Variants in SSUH2 observed in about 807,000 individuals in gnomAD.
SSUH2 encodes protein SSUH2 homolog.
Under a neutral mutation model 55.3 loss-of-function variants are expected in SSUH2, and 47 were observed. That is an observed-to-expected ratio of 0.85 (90% confidence interval 0.67 to 1.08). The LOEUF (loss-of-function observed/expected upper bound fraction) is 1.08. SSUH2 is among the 50% of genes least tolerant of loss of function. The pLI, the probability that SSUH2 is intolerant of heterozygous loss-of-function variation, is 0.00. For synonymous variants in SSUH2, 212 were observed against 191.5 expected, an observed-to-expected ratio of 1.11 and a Z score of -0.89; for missense variants, 535 against 490.7, an observed-to-expected ratio of 1.09 and a Z score of -0.85.
At chr3:8,635,104 C>A (rs1190991461) in intron 3 of SSUH2, among the ~76,000 whole-genome samples, 196 bp downstream of exon 3, 1 of 152,224 alleles carries the variant, frequency 6.6e-6, no homozygotes. Context: ...TCAACGCTGG[C>A]TTTGTTGCCA....
rs1427086956 is a variant in SSUH2, at chr3:8,620,017, G to A, written c.982-3C>T. On this transcript the variant is annotated splice_polypyrimidine_tract_variant and splice_region_variant and intron_variant, in intron 11 of 11. Coordinates refer to ENST00000544814, the MANE Select transcript of SSUH2 (RefSeq NM_001256748.3). ...GGGATCAGCTCAATGGTCTGGCGCT[G>A]AGGAAACAAATAGCCAAGGAAAATG... is the stretch of plus-strand genomic sequence containing the variant. 6.2e-7 allele frequency: 1 copy of A among 1,613,660 alleles called. No homozygotes were observed. The highest frequency in any genetic ancestry group is 8.5e-7 in the Non-Finnish European group (1 of 1,179,780).
At chr3:8,641,778 CAAG>C (rs922624800) in intron 1 of SSUH2, among the ~76,000 whole-genome samples, 10 of 152,370 alleles carry the variant, frequency 6.6e-5, no homozygotes, top group African/African-American at 2.4e-4. Context: ...TGGCCCTTGC[CAAG>C]AAGTCCAGCA....
At chr3:8,647,475 C>T (rs536129345), upstream of SSUH2, among the ~76,000 whole-genome samples, 1 of 152,340 alleles carries the variant, frequency 6.6e-6, no homozygotes, top group South Asian at 2.1e-4. Flanking sequence ...AGACTGAGTT[C>T]AAAGTCCTAA....
intron 7 of SSUH2, among the ~76,000 whole-genome samples, chr3:8,656,403 G>A (rs1472111323): frequency 6.6e-6 from 1 of 152,192 alleles, no homozygotes; most frequent in African/African-American, 2.4e-5. Context: ...CCTCTGCCCT[G>A]TTTTGTGTTC....
At chr3:8,621,568 T>G (rs1168067160) in intron 11 of SSUH2, among the ~76,000 whole-genome samples, 1 of 152,064 alleles carries the variant, frequency 6.6e-6, no homozygotes, top group Non-Finnish European at 1.5e-5. Context: ...GGCACAAAAT[T>G]TCCACACAGC....
chr3:8,669,440 C>T (rs1290001594), intron 5 of SSUH2, among the ~76,000 whole-genome samples: 1 of 152,144 alleles, frequency 6.6e-6, no homozygotes, highest in East Asian at 1.9e-4. Flanking sequence ...CAGAGCAGTA[C>T]AGCAATAATT....
rs1559570094 is a variant in SSUH2, at chr3:8,679,128, G to GCA, written c.-901+576_-901+577insTG. On this transcript the variant is annotated intron_variant, in intron 2 of 18. Transcript: ENST00000317371. Reference sequence around the variant, plus strand: ...CCCTGGCTCTTAGGACCCAAATTGCGGGGGGGAGGCACCCCCGCGAGGCGG... The same window carrying GCA: ...CCCTGGCTCTTAGGACCCAAATTGCGCAGGGGGGAGGCACCCCCGCGAGGCGG... Among the ~76,000 whole-genome samples the GCA allele has an allele frequency of 1.8e-4, 18 of 98,748 alleles. 1 individual carries two copies. The highest frequency in any genetic ancestry group is 1.6e-3 in the East Asian group (6 of 3,842). 64.8% of individuals were successfully genotyped at this position (98,748 alleles called of 152,430 possible).
At chr3:8,669,694 C>T (rs1704332876) in intron 5 of SSUH2, among the ~76,000 whole-genome samples, 1 of 152,182 alleles carries the variant, frequency 6.6e-6, no homozygotes, top group African/African-American at 2.4e-5. Context: ...GAGAAGAGCA[C>T]ATCACCACCA....
In SSUH2 at chr3:8,633,785, T is replaced by C; in HGVS notation, c.220A>G (p.Met74Val). The C allele has an allele frequency of 1.2e-6, 2 of 1,613,246 alleles. No individual in the cohort carries two copies. Among genetic ancestry groups the C allele is most frequent in the South Asian group, 2.2e-5 (2 of 91,058 alleles). ...GCTTCCCGGGCCACCTCCTCCGTCA[T>C]CGCAGGGACTCTGCAGGGGACCGAA... ...PSFLEHRVPA[M>V]TEEVAREALL... The change falls in exon 4 of 12, where the codon ATG becomes GTG. Residue 74 changes from methionine to valine, a missense_variant. Transcript: ENST00000544814.
chr3:8,623,711 G>T, intron 10 of SSUH2, 55 bp from the exon 11 acceptor site: 1 of 937,128 alleles, frequency 1.1e-6, no homozygotes, highest in Non-Finnish European at 1.6e-6. Context: ...TGGAGCCTTG[G>T]AAGTCACTGG....
At chr3:8,643,018 C>T (rs1177511354) in intron 1 of SSUH2, among the ~76,000 whole-genome samples, 1 of 152,208 alleles carries the variant, frequency 6.6e-6, no homozygotes, top group African/African-American at 2.4e-5. Context: ...GGCCCAAAGA[C>T]TTCACTTTTC....
chr3:8,662,529 G>C (rs1272630821), intron 6 of SSUH2, among the ~76,000 whole-genome samples: 13 of 152,182 alleles, frequency 8.5e-5, no homozygotes, highest in African/African-American at 3.1e-4. Flanking sequence ...GTGAAGTACT[G>C]AGGCAAGTAT....
At chr3:8,662,329 T>C (rs1188891416) in intron 6 of SSUH2, among the ~76,000 whole-genome samples, 1 of 152,152 alleles carries the variant, frequency 6.6e-6, no homozygotes, top group Non-Finnish European at 1.5e-5. Flanking sequence ...CACCTTTGTC[T>C]CACTCTGCCC....
intron 3 of SSUH2, among the ~76,000 whole-genome samples, chr3:8,676,660 TATC>T (rs1198793093): frequency 6.6e-6 from 1 of 150,994 alleles, no homozygotes; most frequent in Admixed American, 6.6e-5. Flanking sequence ...TGGGGAGTAA[TATC>T]ATCCTCTCCC....
chr3:8,655,644 T>C (rs1702859717), intron 7 of SSUH2, among the ~76,000 whole-genome samples: 1 of 152,242 alleles, frequency 6.6e-6, no homozygotes, highest in Non-Finnish European at 1.5e-5. Context: ...TGGAACTCGT[T>C]ATGCACACAA....
intron 3 of SSUH2, among the ~76,000 whole-genome samples, chr3:8,676,064 C>T (rs935319649): frequency 6.6e-6 from 1 of 152,070 alleles, no homozygotes; most frequent in South Asian, 2.1e-4. Flanking sequence ...AACATAAAGG[C>T]CCCCCATGCT....
At chr3:8,623,305 A>G (rs952426689) in intron 11 of SSUH2, 2 of 507,374 alleles carry the variant, frequency 3.9e-6, no homozygotes, top group East Asian at 3.2e-5. Context: ...AAACCCTGCA[A>G]TCGCTTCTGG....
intron 11 of SSUH2, among the ~76,000 whole-genome samples, chr3:8,622,335 G>C (rs1007610548): frequency 1.3e-5 from 2 of 152,204 alleles, no homozygotes; most frequent in African/African-American, 4.8e-5. Context: ...CGGAATGGCT[G>C]TATTGGCAGA....
At chr3:8,675,307 G>A (rs371249203) in intron 3 of SSUH2, among the ~76,000 whole-genome samples, 10 of 152,136 alleles carry the variant, frequency 6.6e-5, no homozygotes, top group African/African-American at 1.7e-4. Context: ...CACTTGGACC[G>A]GGCTTCCCCA....
Sources: gnomAD v4.1 joint callset for allele counts (sites outside exome capture counted in the v4.1 genomes callset) on GRCh38, gnomAD v4.1.1 for gene constraint, MANE v1.5 for transcripts, NCBI Gene and HGNC (gene_info 2026-07-23, HGNC 2026-07-21) for gene names.